ITGA4: variants seen among roughly 807,000 people sequenced by gnomAD.
ITGA4 encodes integrin alpha-4.
Under a neutral mutation model 133.6 loss-of-function variants are expected in ITGA4, and 63 were observed. The ratio of observed to expected loss-of-function variants is 0.47; its 90% confidence interval spans 0.38 to 0.58. ITGA4 has a LOEUF of 0.58. ITGA4 is among the 20% of genes least tolerant of loss of function. The pLI is 0.00. For synonymous variants in ITGA4, 483 were observed against 438.0 expected, an observed-to-expected ratio of 1.10 and a Z score of -1.28; for missense variants, 1,076 against 1,252.7, an observed-to-expected ratio of 0.86 and a Z score of 2.13.
intron 5 of ITGA4, chr2:181,479,441 A>C (rs1178757517): frequency 6.6e-6 from 1 of 152,022 alleles, no homozygotes; most frequent in African/African-American, 2.4e-5. Flanking sequence ...CAGTGTCTGC[A>C]CATATTAACA....
At position 181,478,831 on chromosome 2, in the gene ITGA4, G is replaced by C; in HGVS notation, c.624+7G>C. 1 of 1,398,232 alleles carries C rather than the reference G, an allele frequency of 7.2e-7. No homozygotes were observed. The highest frequency in any genetic ancestry group is 9.6e-7 in the Non-Finnish European group (1 of 1,043,424). 86.6% of individuals were successfully genotyped at this position (1,398,232 alleles called of 1,614,324 possible). A position where few individuals can be genotyped will look rare whatever the true frequency, so the allele number is the denominator to read the frequency against. On this transcript the variant is annotated splice_region_variant and intron_variant, in intron 5 of 27. Coordinates refer to ENST00000397033, the MANE Select transcript of ITGA4 (RefSeq NM_000885.6). Reference sequence around the variant, plus strand: ...ATCCAGTTTTTACACAAAGGTAATTGTTCAAAAAATAGCTGCTATAAATGT... The same window carrying C: ...ATCCAGTTTTTACACAAAGGTAATTCTTCAAAAAATAGCTGCTATAAATGT...
At chr2:181,525,009 T>A (rs1358834371) in intron 20 of ITGA4, among the ~76,000 whole-genome samples, 193 bp from the exon 21 acceptor site, 2 of 152,058 alleles carry the variant, frequency 1.3e-5, no homozygotes, top group African/African-American at 4.8e-5. Flanking sequence ...TGATAACAGT[T>A]TAAATAATGA....
Position 181,537,135 on chromosome 2 carries a change from G to C in ITGA4, c.*1608G>C. The C allele has an allele frequency of 2.2e-6, 1 of 453,460 alleles. No individual in the cohort carries two copies. Among genetic ancestry groups the C allele is most frequent in the Non-Finnish European group, 4.4e-6 (1 of 226,584 alleles). The allele number at this position is 453,460 out of a possible 1,614,324, so 28.1% of individuals were successfully genotyped here. A position where few individuals can be genotyped will look rare whatever the true frequency, so the allele number is the denominator to read the frequency against. On this transcript the variant is annotated 3_prime_UTR_variant, in exon 28 of 28. Coordinates refer to ENST00000397033, the MANE Select transcript of ITGA4 (RefSeq NM_000885.6). Reference sequence around the variant, plus strand: ...CATTTATGTATTTTTAAAAAACTTTGTATCGTTATAAAAAGGCTAGTCATT... The same window carrying C: ...CATTTATGTATTTTTAAAAAACTTTCTATCGTTATAAAAAGGCTAGTCATT...
chr2:181,471,467 C>T (rs1367382347), intron 2 of ITGA4, among the ~76,000 whole-genome samples: 2 of 152,142 alleles, frequency 1.3e-5, no homozygotes, highest in East Asian at 3.8e-4. Context: ...TCAATTTCAC[C>T]ACAATTTCCT....
Position 181,525,237 on chromosome 2 carries a change from G to C in ITGA4, c.2285G>C (p.Ser762Thr), listed in dbSNP as rs1320628097. 6.2e-7 allele frequency: 1 copy of C among 1,608,366 alleles called. No individual in the cohort carries two copies. The highest frequency in any genetic ancestry group is 8.5e-7 in the Non-Finnish European group (1 of 1,175,330). The change falls in exon 21 of 28, where the codon AGC (serine) becomes ACC (threonine). Residue 762 changes from serine (S) to threonine (T), a missense_variant. Coordinates refer to ENST00000397033, the MANE Select transcript of ITGA4 (RefSeq NM_000885.6). ...GAGGAAATGGACAATCTAAAGCACAGCAGAGTGACTGTAGCAATACCTTTA... is the reference window on the plus strand; with the variant it reads ...GAGGAAATGGACAATCTAAAGCACACCAGAGTGACTGTAGCAATACCTTTA... ...NEEEMDNLKH[S>T]RVTVAIPLKY...
chr2:181,470,913 A>G (rs150178395), intron 2 of ITGA4, among the ~76,000 whole-genome samples: 326 of 152,244 alleles, frequency 2.1e-3, no homozygotes, highest in African/African-American at 7.3e-3. Context: ...AGAAATTAAG[A>G]AAAAACCCAG....
At chr2:181,473,784 TAGTG>T (rs1467724371) in intron 2 of ITGA4, among the ~76,000 whole-genome samples, 2 of 152,142 alleles carry the variant, frequency 1.3e-5, no homozygotes, top group African/African-American at 2.4e-5. Context: ...ATGGGTAACA[TAGTG>T]AGACCCCCAT....
chr2:181,525,324 A>G, intron 21 of ITGA4, 33 bp downstream of exon 21: 1 of 1,159,706 alleles, frequency 8.6e-7, no homozygotes, highest in Non-Finnish European at 1.3e-6. Context: ...TTTCAAATTT[A>G]GAGCTGATTT....
At position 181,499,336 on chromosome 2, in the gene ITGA4, C is replaced by A. The variant is rs564799834; in HGVS notation, c.1695+559C>A. Reference sequence around the variant, plus strand: ...CTCTCATGATGGTTTGGGGTATGTCCTGCCAAAGCACAGCCGATTTCATGT... The same window carrying A: ...CTCTCATGATGGTTTGGGGTATGTCATGCCAAAGCACAGCCGATTTCATGT... On this transcript the variant is annotated intron_variant, in intron 15 of 27. Coordinates refer to ENST00000397033, the MANE Select transcript of ITGA4 (RefSeq NM_000885.6). Among the ~76,000 whole-genome samples, 3 of 152,236 alleles carry A rather than the reference C, an allele frequency of 2.0e-5. No individual in the cohort carries two copies. In the East Asian group the frequency reaches 5.8e-4, roughly 29 times the overall value.
In ITGA4 at chr2:181,473,299, A is replaced by G. The variant is rs559728439; in HGVS notation, c.320-1661A>G. On this transcript the variant is annotated intron_variant, in intron 2 of 27. Coordinates refer to ENST00000397033, the MANE Select transcript of ITGA4 (RefSeq NM_000885.6). ...AGATTCTCGTAGGAGTGCAAACCCT[A>G]TTACGAACTGCACAGCCGTGGGATC... Among the ~76,000 whole-genome samples, 10 of 152,302 alleles carry G rather than the reference A, an allele frequency of 6.6e-5. No homozygotes were observed. The East Asian group carries it at 1.5e-3, about 24-fold the overall frequency.
In ITGA4 at chr2:181,513,349, A is replaced by G. The variant is rs142929395; in HGVS notation, c.1922+1574A>G. 1.5e-3 allele frequency among the ~76,000 whole-genome samples: 224 copies of G among 152,224 alleles called. 6 individuals are homozygous for G. In the East Asian group the frequency reaches 0.041, roughly 28 times the overall value. ...CCCTATAGTTTCAATCTGTCCAGGC[A>G]CTATCCAGGAATGACATGGACATTA... On this transcript the variant is annotated intron_variant, in intron 17 of 27. Transcript: ENST00000397033.
At position 181,538,126 on chromosome 2, in the gene ITGA4, C is replaced by A. The variant is rs747421880; in HGVS notation, c.*2599C>A. 10 of 1,204,488 alleles carry A rather than the reference C, an allele frequency of 8.3e-6. No homozygotes were observed. The African/African-American group carries it at 1.0e-4, about 13-fold the overall frequency. The allele number at this position is 1,204,488 out of a possible 1,614,324, so 74.6% of individuals were successfully genotyped here. A position where few individuals can be genotyped will look rare whatever the true frequency, so the allele number is the denominator to read the frequency against. Reference sequence around the variant, plus strand: ...TGGGGACCACAGGTTTAAAGCATGGCCACATTTCTTTATATTAAAATTCTA... The same window carrying A: ...TGGGGACCACAGGTTTAAAGCATGGACACATTTCTTTATATTAAAATTCTA... On this transcript the variant is annotated 3_prime_UTR_variant, in exon 28 of 28. Coordinates refer to ENST00000397033, the MANE Select transcript of ITGA4 (RefSeq NM_000885.6).
intron 17 of ITGA4, among the ~76,000 whole-genome samples, chr2:181,513,208 G>T (rs1037619342): frequency 1.3e-5 from 2 of 151,910 alleles, no homozygotes; most frequent in Non-Finnish European, 2.9e-5. Context: ...TGGTAGTCTT[G>T]CTCATAACTG....
rs202126486 is a variant in ITGA4, at chr2:181,535,542, T to C, written c.*15T>C. The stretch of plus-strand genomic sequence containing the variant: ...ATGATGATTAAGGACTTCTTTCAAA[T>C]TGAGAGAATGGAAAACAGACTCAGG... On this transcript the variant is annotated 3_prime_UTR_variant, in exon 28 of 28. Transcript: ENST00000397033. 1.9e-6 allele frequency: 3 copies of C among 1,587,152 alleles called. No individual in the cohort carries two copies. Among genetic ancestry groups the C allele is most frequent in the African/African-American group, 2.7e-5 (2 of 73,626 alleles).
rs1305643654 is a variant in ITGA4 at position 181,495,883 on chromosome 2, A to G, written c.1486A>G (p.Ile496Val). The change falls in exon 14 of 28, where the codon ATA (isoleucine) becomes GTA (valine). Residue 496 changes from isoleucine to valine, a missense_variant. Transcript: ENST00000397033. This position sits in a 1 kb window ranked among gnomAD's most constrained non-coding sequence, Gnocchi z 4.3. ...TGAAAATGGATGGCCTTCTGTGTGCATAGATCTAACACTTTGTTTCTCATA... is the reference window on the plus strand; with the variant it reads ...TGAAAATGGATGGCCTTCTGTGTGCGTAGATCTAACACTTTGTTTCTCATA... ...CVENGWPSVCIDLTLCFSYKG... is the reference protein window; with the variant it reads ...CVENGWPSVCVDLTLCFSYKG... 4.3e-6 allele frequency: 7 copies of G among 1,614,094 alleles called. No homozygotes were observed. Among genetic ancestry groups the G allele is most frequent in the South Asian group, 3.3e-5 (3 of 91,084 alleles).
At chr2:181,489,580 A>C (rs925437308) in intron 10 of ITGA4, among the ~76,000 whole-genome samples, 1 of 152,202 alleles carries the variant, frequency 6.6e-6, no homozygotes, top group Non-Finnish European at 1.5e-5. Flanking sequence ...AAGTTCTACA[A>C]TTGTAAATTA....
intron 15 of ITGA4, among the ~76,000 whole-genome samples, chr2:181,503,006 G>T (rs954952780): frequency 6.6e-6 from 1 of 151,970 alleles, no homozygotes; most frequent in Non-Finnish European, 1.5e-5. Context: ...AGACGGTGAG[G>T]GACCAGGAAA....
chr2:181,523,219 CAT>C lies in ITGA4; in HGVS notation c.2074-212_2074-211del, dbSNP rs745823851. ...ATATATACACACACATATATACACACATATATACATACATATATATACACATA... is the reference window on the plus strand; with the variant it reads ...ATATATACACACACATATATACACACATATACATACATATATATACACATA... On this transcript the variant is annotated intron_variant, in intron 18 of 27. Transcript: ENST00000397033. This position sits in a 1 kb window ranked among gnomAD's most constrained non-coding sequence, Gnocchi z 4.2. 29 of 410,840 alleles carry C rather than the reference CAT, an allele frequency of 7.1e-5. No individual in the cohort carries two copies. Among genetic ancestry groups the C allele is most frequent in the African/African-American group, 2.9e-4 (14 of 49,070 alleles). 25.4% of individuals were successfully genotyped at this position (410,840 alleles called of 1,614,324 possible). A position where few individuals can be genotyped will look rare whatever the true frequency, so the allele number is the denominator to read the frequency against.
chr2:181,509,135 TAAAAAAAAAAAAAAAAAAAAAA>T (rs57180154), intron 15 of ITGA4, among the ~76,000 whole-genome samples: 3 of 44,674 alleles, frequency 6.7e-5, no homozygotes, highest in African/African-American at 2.0e-4. Flanking sequence ...TCCCATCTCT[TAAAAAAAAAAAAAAAAAAAAAA>T]AAAAAAAAAA....
Sources: allele counts gnomAD v4.1 joint callset (sites outside exome capture counted in the v4.1 genomes callset), GRCh38; gene constraint gnomAD v4.1.1; non-coding constraint Gnocchi (gnomAD v3.1); transcripts MANE v1.5; gene names NCBI Gene and HGNC (gene_info 2026-07-23, HGNC 2026-07-21).